SLC12A8: variants seen among roughly 807,000 people sequenced by gnomAD.
The protein encoded by SLC12A8 is cation-chloride cotransporter 9.
SLC12A8 carries 69 observed loss-of-function variants against 75.6 expected under a neutral mutation model. That is an observed-to-expected ratio of 0.91 (90% CI 0.75 to 1.11). The LOEUF (loss-of-function observed/expected upper bound fraction) is 1.11. SLC12A8 is among the 50% of genes most tolerant of loss of function. SLC12A8 has a pLI of 0.00. For synonymous variants in SLC12A8, 365 were observed against 372.8 expected (o/e 0.98, Z 0.24); for missense variants, 877 against 896.7 (o/e 0.98, Z 0.28).
Position 125,101,665 on chromosome 3 carries a change from A to G in SLC12A8, c.1705+5816T>C, listed in dbSNP as rs571914528. On this transcript the variant is annotated intron_variant, in intron 10 of 13. Coordinates refer to ENST00000469902, the MANE Select transcript of SLC12A8 (RefSeq NM_024628.6). ...TCTCTTGCACAGCTGTTGTAAATAA[A>G]TAATTCTTGTGTATATAAGGTATAA... is the stretch of plus-strand genomic sequence containing the variant. Among the ~76,000 whole-genome samples, 11 of 152,358 alleles carry G rather than the reference A, an allele frequency of 7.2e-5. No homozygotes were observed. The South Asian group carries it at 2.3e-3, about 32-fold the overall frequency.
intron 10 of SLC12A8, among the ~76,000 whole-genome samples, chr3:125,099,256 G>A (rs1938799546): frequency 6.6e-6 from 1 of 152,190 alleles, no homozygotes; most frequent in African/African-American, 2.4e-5. Flanking sequence ...AACGATATCA[G>A]CAGCCACACA....
chr3:125,148,836 G>A (rs1466369813), intron 5 of SLC12A8, among the ~76,000 whole-genome samples: 1 of 152,166 alleles, frequency 6.6e-6, no homozygotes, highest in Non-Finnish European at 1.5e-5. Context: ...TCCTACCCCA[G>A]GAGGTACCCC....
chr3:125,176,935 G>A (rs1934543151), intron 5 of SLC12A8, among the ~76,000 whole-genome samples: 1 of 151,942 alleles, frequency 6.6e-6, no homozygotes, highest in African/African-American at 2.4e-5. Flanking sequence ...CACGGATCTA[G>A]AACTAGAAAT....
At chr3:125,147,626 A>ATACATCCTGCCC (rs546792786) in intron 5 of SLC12A8, among the ~76,000 whole-genome samples, 4 of 152,192 alleles carry the variant, frequency 2.6e-5, no homozygotes, top group East Asian at 1.9e-4. Flanking sequence ...TCCAGTGACC[A>ATACATCCTGCCC]TACATCCTGC....
At position 125,083,752 on chromosome 3, in the gene SLC12A8, A is replaced by C; in HGVS notation, c.*138T>G. The C allele has an allele frequency of 1.2e-6, 1 of 803,920 alleles. No homozygotes were observed. The highest frequency in any genetic ancestry group is 1.9e-6 in the Non-Finnish European group (1 of 536,620). The allele number at this position is 803,920 out of a possible 1,614,324, so 49.8% of individuals were successfully genotyped here. ...AAAAAAAAAAGGGAAAAGAAAATGT[A>C]GATTTCCATTGTCCAAAGTGACAGC... On this transcript the variant is annotated 3_prime_UTR_variant, in exon 14 of 14. Coordinates refer to ENST00000469902, the MANE Select transcript of SLC12A8 (RefSeq NM_024628.6).
intron 5 of SLC12A8, among the ~76,000 whole-genome samples, chr3:125,144,934 C>T (rs888659464): frequency 2.0e-5 from 3 of 152,340 alleles, no homozygotes; most frequent in Admixed American, 6.5e-5. Flanking sequence ...AAAATATTCA[C>T]ATGCTCAGAC....
chr3:125,167,242 C>T (rs549825513), intron 5 of SLC12A8, among the ~76,000 whole-genome samples: 13 of 152,144 alleles, frequency 8.5e-5, no homozygotes, highest in African/African-American at 2.9e-4. Flanking sequence ...CTCTGCCTCC[C>T]GGGTTCAAGA....
intron 6 of SLC12A8, among the ~76,000 whole-genome samples, chr3:125,131,905 C>T (rs1933368185): frequency 6.6e-6 from 1 of 152,210 alleles, no homozygotes; most frequent in South Asian, 2.1e-4. Context: ...ACCCCGCCAA[C>T]TCCCTGGCAG....
chr3:125,112,717 G>A (rs1372722465), intron 8 of SLC12A8, among the ~76,000 whole-genome samples: 3 of 152,108 alleles, frequency 2.0e-5, no homozygotes, highest in Non-Finnish European at 2.9e-5. Context: ...TATGTTGACT[G>A]GTTTTTAAAA....
At chr3:125,205,657 C>T (rs1224984819) in intron 2 of SLC12A8, among the ~76,000 whole-genome samples, 9 of 152,220 alleles carry the variant, frequency 5.9e-5, no homozygotes, top group Non-Finnish European at 1.3e-4. Context: ...GCATAAGCCT[C>T]TTGTCTTCTG....
At chr3:125,190,243 C>G in intron 3 of SLC12A8, 132 bp downstream of exon 3, 6 of 966,322 alleles carry the variant, frequency 6.2e-6, no homozygotes, top group Non-Finnish European at 9.4e-6. Flanking sequence ...ATTCATCGTG[C>G]TTGCTTCTGT....
chr3:125,138,354 T>C (rs1444590725), intron 5 of SLC12A8, among the ~76,000 whole-genome samples: 1 of 152,070 alleles, frequency 6.6e-6, no homozygotes, highest in Admixed American at 6.5e-5. Context: ...TGAGCCAAGA[T>C]TGCACCACTG....
Position 125,190,423 on chromosome 3 carries a change from C to T in SLC12A8, c.150G>A (p.Met50Ile), listed in dbSNP as rs758474803. The T allele has an allele frequency of 1.9e-6, 3 of 1,614,088 alleles. No homozygotes were observed. The African/African-American group carries it at 4.0e-5, about 22-fold the overall frequency. ...GTWDGVFTSC[M>I]INIFGVVLFL... ...AGAGCACAACCCCAAAGATGTTGATCATGCAGGATGTGAACACACCATCCC... is the reference window on the plus strand; with the variant it reads ...AGAGCACAACCCCAAAGATGTTGATTATGCAGGATGTGAACACACCATCCC... Residue 50 changes from methionine to isoleucine, a missense_variant, in exon 3 of 14, where the codon ATG becomes ATA. Coordinates refer to ENST00000469902, the MANE Select transcript of SLC12A8 (RefSeq NM_024628.6).
intron 10 of SLC12A8, among the ~76,000 whole-genome samples, chr3:125,103,943 T>C (rs1938954808): frequency 6.7e-6 from 1 of 150,136 alleles, no homozygotes; most frequent in Non-Finnish European, 1.5e-5. Context: ...AGTGCTTCAC[T>C]TTTAAGTACA....
chr3:125,095,910 C>A (rs1938699893), intron 10 of SLC12A8, among the ~76,000 whole-genome samples: 1 of 151,646 alleles, frequency 6.6e-6, no homozygotes, highest in Non-Finnish European at 1.5e-5. Context: ...TCTCTCTTAC[C>A]TCTAAAAGCC....
chr3:125,088,912 T>C (rs907707508), intron 12 of SLC12A8, among the ~76,000 whole-genome samples: 8 of 152,204 alleles, frequency 5.3e-5, no homozygotes, highest in African/African-American at 1.9e-4. Context: ...TTGTTGTTGA[T>C]TCTAGCCAAA....
chr3:125,193,939 T>C (rs1229015900), intron 2 of SLC12A8, among the ~76,000 whole-genome samples: 1 of 152,148 alleles, frequency 6.6e-6, no homozygotes, highest in Non-Finnish European at 1.5e-5. Context: ...GGACCTAGTG[T>C]CCCAGATTTG....
At chr3:125,088,469 C>CAAGATTAAAGCCCAAGGGAAATGTA in intron 12 of SLC12A8, 99 bp from the exon 13 acceptor site, 1 of 902,302 alleles carries the variant, frequency 1.1e-6, no homozygotes, top group Non-Finnish European at 1.8e-6. Flanking sequence ...AATACACACA[C>CAAGATTAAAGCCCAAGGGAAATGTA]ACGCACAGAA....
chr3:125,173,179 C>CA (rs1377987236), intron 5 of SLC12A8, among the ~76,000 whole-genome samples: 2 of 151,280 alleles, frequency 1.3e-5, no homozygotes. Context: ...AACTCCATCT[C>CA]AAAAAAACAA....
Sources: gnomAD v4.1 joint callset for allele counts (sites outside exome capture counted in the v4.1 genomes callset) on GRCh38, gnomAD v4.1.1 for gene constraint, MANE v1.5 for transcripts, NCBI Gene and HGNC (gene_info 2026-07-23, HGNC 2026-07-21) for gene names.